The following GK5 variants were observed in gnomAD, a reference collection of about 807,000 sequenced individuals.
The protein encoded by GK5 is glycerol kinase 5, also known as ATP:glycerol 3-phosphotransferase 5.
Under a neutral mutation model 77.3 loss-of-function variants are expected in GK5, and 39 were observed. That is an observed-to-expected ratio of 0.50 (90% confidence interval 0.39 to 0.66). The LOEUF (loss-of-function observed/expected upper bound fraction) is 0.66, where lower values mean the gene tolerates loss of function less well. Among genes scored for constraint, GK5 ranks in the 30% least tolerant of loss-of-function variants. The probability of loss-of-function intolerance (pLI) is 0.00; values close to 1 mark genes in which losing one functional copy is unlikely to be tolerated. For synonymous variants in GK5, 211 were observed against 208.0 expected (o/e 1.01, Z -0.13); for missense variants, 487 against 633.8 (o/e 0.77, Z 2.49).
At chr3:142,176,268 C>T (rs1007592715) in intron 12 of GK5, among the ~76,000 whole-genome samples, 4 of 151,756 alleles carry the variant, frequency 2.6e-5, no homozygotes, top group Non-Finnish European at 5.9e-5. Context: ...TTTTTTTCTA[C>T]CAGCTTCTAT....
chr3:142,225,178 G>A, intron 1 of GK5, 131 bp downstream of exon 1: 2 of 1,015,960 alleles, frequency 2.0e-6, no homozygotes, highest in South Asian at 3.8e-5. Context: ...TCTGGCCCCA[G>A]GGCCCGCGGG....
Position 142,204,703 on chromosome 3 carries a change from G to A in GK5, c.403C>T (p.Leu135Phe). Residue 135 changes from leucine (L) to phenylalanine (F), a missense_variant, in exon 4 of 16, where the codon CTT (leucine) becomes TTT (phenylalanine). Around this residue, in one of 4 missense-constraint regions of GK5, gnomAD observed 323 missense variants for 437.4 expected, o/e 0.74. Coordinates refer to ENST00000392993, the MANE Select transcript of GK5 (RefSeq NM_001039547.3). Reference sequence around the variant, plus strand: ...CACAAGAAAAAGATTACCTTCATAAGAAGAGAATTATTCCAAGATTTTACA... The same window carrying A: ...CACAAGAAAAAGATTACCTTCATAAAAAGAGAATTATTCCAAGATTTTACA... ...ELVKSWNNSL[L>F]MKIFHSSCRV... 6.6e-7 allele frequency: 1 copy of A among 1,517,446 alleles called. No homozygotes were observed. The highest frequency in any genetic ancestry group is 9.1e-7 in the Non-Finnish European group (1 of 1,094,228). 94.0% of individuals were successfully genotyped at this position (1,517,446 alleles called of 1,614,324 possible).
At chr3:142,189,685 C>T (rs1409357233) in intron 5 of GK5, among the ~76,000 whole-genome samples, 1 of 152,118 alleles carries the variant, frequency 6.6e-6, no homozygotes, top group African/African-American at 2.4e-5. Flanking sequence ...CCTAGGTCAA[C>T]CCCCCTCACG....
At position 142,186,194 on chromosome 3, in the gene GK5, C is replaced by T; in HGVS notation, c.755G>A (p.Ser252Asn). The T allele has an allele frequency of 6.4e-7, 1 of 1,557,996 alleles. No individual in the cohort carries two copies. Among genetic ancestry groups the T allele is most frequent in the Non-Finnish European group, 8.9e-7 (1 of 1,129,692 alleles). Residue 252 changes from serine to asparagine, a missense_variant and splice_region_variant, in exon 8 of 16, where the codon AGC becomes AAC. Around this residue, in one of 4 missense-constraint regions of GK5, gnomAD observed 323 missense variants for 437.4 expected, o/e 0.74. Transcript: ENST00000392993. Reference protein sequence around the residue: ...LSLLPPVRDTSHNFGSVDEEI... With the variant: ...LSLLPPVRDTNHNFGSVDEEI... ...TACTATGTCTGATGTTTATTATTAC[C>T]TTGTGTCCCTCACAGGAGGTAGGAG...
chr3:142,184,982 G>A, intron 9 of GK5: 1 of 985,498 alleles, frequency 1.0e-6, no homozygotes, highest in Non-Finnish European at 1.2e-6. Context: ...TAATGATTTT[G>A]TAACTTGGAA....
intron 5 of GK5, among the ~76,000 whole-genome samples, chr3:142,193,612 C>T (rs1339318031): frequency 1.3e-5 from 2 of 152,030 alleles, no homozygotes; most frequent in Non-Finnish European, 2.9e-5. Flanking sequence ...AGATGTCTTT[C>T]CATTTATTTA....
Position 142,165,743 on chromosome 3 carries a change from T to C in GK5, c.1469A>G (p.Lys490Arg). ...AACCACTTCACTTTGTCTCAGTTTC[T>C]TTAGTTCCTCCTTGTCAGTCCAAAA... Reference protein sequence around the residue: ...VGFWTDKEELKKLRQSEVVFK... With the variant: ...VGFWTDKEELRKLRQSEVVFK... The change falls in exon 16 of 16, where the codon AAG becomes AGG. Residue 490 changes from lysine to arginine, a missense_variant. This residue lies in a region of GK5 where 65 missense variants were observed against 89.9 expected (regional missense o/e 0.72). Transcript: ENST00000392993. 6.2e-7 allele frequency: 1 copy of C among 1,612,514 alleles called. No individual in the cohort carries two copies. Among genetic ancestry groups the C allele is most frequent in the Non-Finnish European group, 8.5e-7 (1 of 1,179,226 alleles).
At chr3:142,214,204 C>T (rs1038411894) in intron 2 of GK5, among the ~76,000 whole-genome samples, 1 of 152,088 alleles carries the variant, frequency 6.6e-6, no homozygotes, top group African/African-American at 2.4e-5. Context: ...CAAAGTATGT[C>T]AGATTTATTT....
At chr3:142,174,551 T>C (rs560208443) in intron 12 of GK5, among the ~76,000 whole-genome samples, 58 of 152,332 alleles carry the variant, frequency 3.8e-4, no homozygotes, top group African/African-American at 9.9e-4. Flanking sequence ...TTTGGTGCCC[T>C]GGGCAAAACT....
chr3:142,198,963 A>G, intron 4 of GK5, 30 bp from the exon 5 acceptor site: 1 of 1,555,552 alleles, frequency 6.4e-7, no homozygotes, highest in Non-Finnish European at 8.8e-7. Context: ...TTTTAGGAAA[A>G]TGCATTTAGT....
intron 15 of GK5, chr3:142,170,054 T>A (rs980684671): frequency 4.0e-6 from 2 of 500,646 alleles, no homozygotes; most frequent in Non-Finnish European, 7.3e-6. Flanking sequence ...CCAGAGACTG[T>A]CTGTTGCTAG....
At chr3:142,182,438 C>T (rs559812573) in intron 10 of GK5, among the ~76,000 whole-genome samples, 4 of 152,126 alleles carry the variant, frequency 2.6e-5, no homozygotes, top group Non-Finnish European at 4.4e-5. Flanking sequence ...TCTGCCTCCC[C>T]GGTTCAAGTG....
chr3:142,194,749 T>C (rs1012615511), intron 5 of GK5, among the ~76,000 whole-genome samples: 2 of 151,624 alleles, frequency 1.3e-5, no homozygotes, highest in Admixed American at 6.6e-5. Flanking sequence ...AACTCATTTA[T>C]AATATTAGTG....
In GK5 at chr3:142,165,786, T is replaced by A. The variant is rs566550543; in HGVS notation, c.1442-16A>T. ...GTCCAAAACCCTATAGATAAAAAAA[T>A]TATCCTCAAATTTTAAGGCAAATCA... On this transcript the variant is annotated splice_polypyrimidine_tract_variant and intron_variant, in intron 15 of 15. Transcript: ENST00000392993. 26 of 1,547,568 alleles carry A rather than the reference T, an allele frequency of 1.7e-5. No individual in the cohort carries two copies. In the African/African-American group the frequency reaches 2.4e-4, roughly 14 times the overall value.
intron 5 of GK5, among the ~76,000 whole-genome samples, chr3:142,194,578 G>A (rs1219118037): frequency 6.6e-6 from 1 of 151,670 alleles, no homozygotes; most frequent in Admixed American, 6.6e-5. Flanking sequence ...TGTAGTCCCA[G>A]CTACTCTGGC....
intron 1 of GK5, among the ~76,000 whole-genome samples, chr3:142,217,782 A>T (rs2064292275): frequency 6.6e-6 from 1 of 152,168 alleles, no homozygotes; most frequent in African/African-American, 2.4e-5. Flanking sequence ...ACAGAACAAA[A>T]ATTTAAATGA....
chr3:142,218,526 G>T (rs149814594), intron 1 of GK5, among the ~76,000 whole-genome samples: 70 of 141,134 alleles, frequency 5.0e-4, no homozygotes, highest in Non-Finnish European at 6.8e-4. Flanking sequence ...GGGCGACAGA[G>T]CAAGGCTCCA....
rs201344910 is a variant in GK5, at chr3:142,194,489, GC to G, written c.543+4312del. Among the ~76,000 whole-genome samples, 736 of 150,696 alleles carry G rather than the reference GC, an allele frequency of 4.9e-3. 23 individuals are homozygous for G. In the East Asian group the frequency reaches 0.077, roughly 16 times the overall value. On this transcript the variant is annotated intron_variant, in intron 5 of 15. Coordinates refer to ENST00000392993, the MANE Select transcript of GK5 (RefSeq NM_001039547.3). ...TACAGTAAACCAAGATCATGCCACTGCACTCCCTACTGGATGACAGAGTAAG... is the reference window on the plus strand; with the variant it reads ...TACAGTAAACCAAGATCATGCCACTGACTCCCTACTGGATGACAGAGTAAG...
intron 2 of GK5, among the ~76,000 whole-genome samples, chr3:142,215,158 A>T (rs1468643097): frequency 1.3e-5 from 2 of 152,254 alleles, no homozygotes; most frequent in South Asian, 4.1e-4. Context: ...GACTTAGACC[A>T]TAGCTTTGGC....
Sources: gnomAD v4.1 joint callset for allele counts (sites outside exome capture counted in the v4.1 genomes callset) on GRCh38, gnomAD v4.1.1 for gene constraint, gnomAD v4.1.1 regional missense constraint, MANE v1.5 for transcripts, NCBI Gene and HGNC (gene_info 2026-07-23, HGNC 2026-07-21) for gene names.